The following SRRM4 variants were observed in gnomAD, a reference collection of about 807,000 sequenced individuals.
SRRM4 encodes serine/arginine repetitive matrix protein 4.
A neutral mutation model predicts 68.9 loss-of-function variants in SRRM4; 33 were observed. The observed-to-expected ratio is 0.48, with a 90% CI of 0.36 to 0.64. The LOEUF (loss-of-function observed/expected upper bound fraction) is 0.64, where lower values mean the gene tolerates loss of function less well. SRRM4 is among the 30% of genes least tolerant of loss of function. The pLI is 0.00. For synonymous variants in SRRM4, 318 were observed against 318.8 expected, an observed-to-expected ratio of 1.00 and a Z score of 0.03; for missense variants, 817 against 827.1, an observed-to-expected ratio of 0.99 and a Z score of 0.15.
At chr12:119,023,788 A>G (rs1201533379) in intron 1 of SRRM4, among the ~76,000 whole-genome samples, 2 of 152,160 alleles carry the variant, frequency 1.3e-5, no homozygotes, top group East Asian at 1.9e-4. Flanking sequence ...TCCTGCCTCA[A>G]TGAGCCCTTT....
chr12:118,983,083 T>C (rs900375013), intron 1 of SRRM4, among the ~76,000 whole-genome samples: 1 of 152,180 alleles, frequency 6.6e-6, no homozygotes, highest in Admixed American at 6.5e-5. Context: ...AGGGAGCAGA[T>C]TGAAAACATG....
intron 1 of SRRM4, among the ~76,000 whole-genome samples, chr12:118,984,659 A>T (rs1953271301): frequency 6.6e-6 from 1 of 152,242 alleles, no homozygotes. Context: ...AGCAATATGC[A>T]TACATCATGC....
chr12:119,122,300 A>C (rs4767787), intron 6 of SRRM4, among the ~76,000 whole-genome samples, 180 bp downstream of exon 6: 2,248 of 66,152 alleles, frequency 0.034, 19 homozygotes, highest in African/African-American at 0.067. Context: ...GGCAGGAAGG[A>C]AGGAAGGAAG....
intron 2 of SRRM4, among the ~76,000 whole-genome samples, chr12:119,110,844 C>T (rs1465575034): frequency 2.0e-5 from 3 of 152,206 alleles, no homozygotes; most frequent in African/African-American, 7.2e-5. Flanking sequence ...GACAAGCCCC[C>T]ATGAGATGAA....
Position 119,051,762 on chromosome 12 carries a change from T to A in SRRM4, c.132-50474T>A, listed in dbSNP as rs115869332. Among the ~76,000 whole-genome samples, 733 of 152,290 alleles carry A rather than the reference T, an allele frequency of 4.8e-3. 1 individual carries two copies. The highest frequency in any genetic ancestry group is 0.015 in the African/African-American group (639 of 41,558). On this transcript the variant is annotated intron_variant, in intron 1 of 12. Coordinates refer to ENST00000267260, the MANE Select transcript of SRRM4 (RefSeq NM_194286.4). ...TGTTTCTTTTGAGTACACAATCCCA[T>A]CCCCACTCCATCTTAGAGGAGCAAG... is the stretch of plus-strand genomic sequence containing the variant.
In SRRM4 at chr12:119,119,759, GGAT is replaced by G. The variant is rs1216316651; in HGVS notation, c.438-488_438-486del. On this transcript the variant is annotated intron_variant, in intron 4 of 12. Coordinates refer to ENST00000267260, the MANE Select transcript of SRRM4 (RefSeq NM_194286.4). ...CTCATGATGATGACGGTGATGATGA[GGAT>G]GAGGAGGAGGAGGAATGCACAACAA... Among the ~76,000 whole-genome samples the G allele has an allele frequency of 1.6e-3, 250 of 152,096 alleles. 2 individuals are homozygous for G. Among genetic ancestry groups the G allele is most frequent in the African/African-American group, 5.8e-3 (242 of 41,500 alleles).
At chr12:119,053,758 T>A (rs561265071) in intron 1 of SRRM4, among the ~76,000 whole-genome samples, 7 of 151,932 alleles carry the variant, frequency 4.6e-5, no homozygotes, top group African/African-American at 1.4e-4. Context: ...TTTTTTTTTT[T>A]AATTTTGTGG....
At chr12:119,112,434 C>T (rs910280989) in intron 2 of SRRM4, among the ~76,000 whole-genome samples, 14 of 152,184 alleles carry the variant, frequency 9.2e-5, no homozygotes, top group Non-Finnish European at 1.2e-4. Flanking sequence ...ACCCAGCAAT[C>T]CCATTACTGG....
At chr12:119,039,685 T>G (rs1203057736) in intron 1 of SRRM4, among the ~76,000 whole-genome samples, 1 of 152,132 alleles carries the variant, frequency 6.6e-6, no homozygotes, top group Admixed American at 6.5e-5. Flanking sequence ...GGCAGATTAA[T>G]AACCAAACAA....
At position 119,156,923 on chromosome 12, in the gene SRRM4, T is replaced by A; in HGVS notation, c.*125T>A. Reference sequence around the variant, plus strand: ...CTATACCTTGTCCTTCCTGCTTGCCTAGGGGAAGAGGAGAAGAGGGTAAGG... The same window carrying A: ...CTATACCTTGTCCTTCCTGCTTGCCAAGGGGAAGAGGAGAAGAGGGTAAGG... On this transcript the variant is annotated 3_prime_UTR_variant, in exon 13 of 13. Transcript: ENST00000267260. The A allele has an allele frequency of 3.2e-6, 4 of 1,248,598 alleles. No individual in the cohort carries two copies. The highest frequency in any genetic ancestry group is 4.3e-6 in the Non-Finnish European group (4 of 929,778). The allele number at this position is 1,248,598 out of a possible 1,614,324, so 77.3% of individuals were successfully genotyped here. A position where few individuals can be genotyped will look rare whatever the true frequency, so the allele number is the denominator to read the frequency against.
rs151205422 is a variant in SRRM4 at position 119,127,445 on chromosome 12, G to A, written c.614+1966G>A. Reference sequence around the variant, plus strand: ...GAATATCTATAGGAAAAGGGAGGAGGAGCCAGGTACAATGTCTCGCGCCTG... The same window carrying A: ...GAATATCTATAGGAAAAGGGAGGAGAAGCCAGGTACAATGTCTCGCGCCTG... On this transcript the variant is annotated intron_variant, in intron 7 of 12. Transcript: ENST00000267260. 2.3e-3 allele frequency among the ~76,000 whole-genome samples: 357 copies of A among 152,194 alleles called. 1 individual carries two copies. The highest frequency in any genetic ancestry group is 8.3e-3 in the African/African-American group (346 of 41,526).
intron 1 of SRRM4, among the ~76,000 whole-genome samples, chr12:119,010,782 G>A (rs1487507498): frequency 6.6e-6 from 1 of 152,180 alleles, no homozygotes; most frequent in Non-Finnish European, 1.5e-5. Flanking sequence ...CAGCCCAGAT[G>A]CTCTTAATTA....
At chr12:119,024,476 C>T (rs1953535526) in intron 1 of SRRM4, among the ~76,000 whole-genome samples, 1 of 152,198 alleles carries the variant, frequency 6.6e-6, no homozygotes, top group South Asian at 2.1e-4. Flanking sequence ...TCGGCTGGGC[C>T]CCTTTGTGTA....
At chr12:119,003,135 T>C (rs1953395913) in intron 1 of SRRM4, among the ~76,000 whole-genome samples, 1 of 151,808 alleles carries the variant, frequency 6.6e-6, no homozygotes, top group Non-Finnish European at 1.5e-5. Context: ...GTTATCTCTA[T>C]GTAGCTACCT....
chr12:119,014,178 C>T (rs1247105791), intron 1 of SRRM4, among the ~76,000 whole-genome samples: 2 of 152,018 alleles, frequency 1.3e-5, no homozygotes, highest in African/African-American at 2.4e-5. Flanking sequence ...TCATGTCTTT[C>T]ATCCGTTTAA....
chr12:119,130,540 T>C, intron 7 of SRRM4, 138 bp from the exon 8 acceptor site: 1 of 762,936 alleles, frequency 1.3e-6, no homozygotes, highest in African/African-American at 1.8e-5. Context: ...CAGACATACC[T>C]AGGAACAATA....
intron 1 of SRRM4, among the ~76,000 whole-genome samples, chr12:119,084,201 T>C (rs1458413217): frequency 6.6e-6 from 1 of 151,636 alleles, no homozygotes; most frequent in Non-Finnish European, 1.5e-5. Flanking sequence ...CTGTAGAAGG[T>C]GAATATTGGA....
chr12:119,133,339 G>A (rs1250625250), intron 8 of SRRM4, among the ~76,000 whole-genome samples: 2 of 152,222 alleles, frequency 1.3e-5, no homozygotes, highest in Non-Finnish European at 2.9e-5. Context: ...TAGTAGTGGT[G>A]ATAGTGGTAG....
At chr12:119,081,828 G>A (rs1281882915) in intron 1 of SRRM4, among the ~76,000 whole-genome samples, 1 of 152,230 alleles carries the variant, frequency 6.6e-6, no homozygotes, top group Non-Finnish European at 1.5e-5. Flanking sequence ...TGATAGGTCA[G>A]AACTGGGGTC....
Sources: allele counts gnomAD v4.1 joint callset (sites outside exome capture counted in the v4.1 genomes callset), GRCh38; gene constraint gnomAD v4.1.1; transcripts MANE v1.5; gene names NCBI Gene and HGNC (gene_info 2026-07-23, HGNC 2026-07-21).